Variants in AGBL4 observed in about 807,000 individuals in gnomAD.
AGBL4 encodes the protein AGBL carboxypeptidase 4, also known as cytosolic carboxypeptidase 6.
In AGBL4, 58 loss-of-function variants were observed where a neutral mutation model predicts 66.4. The observed-to-expected ratio is 0.87, with a 90% confidence interval of 0.71 to 1.09. The LOEUF is 1.09. Among genes scored for constraint, AGBL4 ranks in the 50% least tolerant of loss-of-function variants. The pLI, the probability that AGBL4 is intolerant of heterozygous loss-of-function variation, is 0.00. For missense variants in AGBL4, 579 were observed against 631.0 expected, an observed-to-expected ratio of 0.92 and a Z score of 0.88; for synonymous variants, 234 against 222.9, an observed-to-expected ratio of 1.05 and a Z score of -0.44.
chr1:48,863,304 T>C (rs1480643345), intron 6 of AGBL4, among the ~76,000 whole-genome samples: 1 of 151,366 alleles, frequency 6.6e-6, no homozygotes, highest in African/African-American at 2.4e-5. Context: ...GAGAATGCAA[T>C]AAAAAAGGTA....
intron 4 of AGBL4, among the ~76,000 whole-genome samples, chr1:49,245,349 T>C (rs1341695821): frequency 2.0e-5 from 3 of 150,042 alleles, no homozygotes; most frequent in Non-Finnish European, 4.5e-5. Flanking sequence ...TAGTCCCTAA[T>C]GTCCTCCTAA....
At chr1:48,782,335 C>G (rs1645315806) in intron 6 of AGBL4, among the ~76,000 whole-genome samples, 1 of 152,190 alleles carries the variant, frequency 6.6e-6, no homozygotes, top group Non-Finnish European at 1.5e-5. Context: ...TTTGCAGAGC[C>G]TTGGGTTAAT....
At chr1:48,813,302 C>CAT (rs1646100204) in intron 6 of AGBL4, among the ~76,000 whole-genome samples, 1 of 152,040 alleles carries the variant, frequency 6.6e-6, no homozygotes, top group Non-Finnish European at 1.5e-5. Flanking sequence ...GAAACAGTGT[C>CAT]ATATTGTTTT....
At chr1:49,229,067 A>G (rs1281293748) in intron 4 of AGBL4, among the ~76,000 whole-genome samples, 2 of 152,136 alleles carry the variant, frequency 1.3e-5, no homozygotes, top group Admixed American at 6.6e-5. Context: ...TCCCGTTGCC[A>G]GGGATCCATT....
intron 12 of AGBL4, among the ~76,000 whole-genome samples, chr1:48,535,391 G>A (rs1174696721): frequency 5.3e-5 from 8 of 152,014 alleles, no homozygotes; most frequent in African/African-American, 2.4e-5. Flanking sequence ...ACATTTCATC[G>A]CTCCTCACCC....
At chr1:49,022,901 C>T (rs1663354798) in intron 5 of AGBL4, among the ~76,000 whole-genome samples, 1 of 152,120 alleles carries the variant, frequency 6.6e-6, no homozygotes, top group Non-Finnish European at 1.5e-5. Context: ...TGAACAATTC[C>T]AAATTACAAA....
At chr1:48,595,422 C>T (rs1006118160) in intron 9 of AGBL4, among the ~76,000 whole-genome samples, 1 of 152,078 alleles carries the variant, frequency 6.6e-6, no homozygotes, top group Non-Finnish European at 1.5e-5. Flanking sequence ...TAAGTTGTTC[C>T]AACAGTAAAA....
intron 3 of AGBL4, among the ~76,000 whole-genome samples, chr1:49,536,303 C>A (rs1000439181): frequency 2.6e-5 from 4 of 152,106 alleles, no homozygotes; most frequent in African/African-American, 9.7e-5. Flanking sequence ...ACTAGGAATT[C>A]TGTGTTGCTT....
At chr1:48,722,059 G>T (rs1253399764) in intron 6 of AGBL4, among the ~76,000 whole-genome samples, 1 of 138,882 alleles carries the variant, frequency 7.2e-6, no homozygotes, top group Admixed American at 8.3e-5. Flanking sequence ...AAGAGGAACA[G>T]AGAGAGAGAA....
chr1:49,252,836 T>A (rs1237658828), intron 3 of AGBL4, among the ~76,000 whole-genome samples: 1 of 152,076 alleles, frequency 6.6e-6, no homozygotes, highest in East Asian at 1.9e-4. Flanking sequence ...AGAAATAAGA[T>A]CCTTTTCAGA....
intron 2 of AGBL4, among the ~76,000 whole-genome samples, chr1:49,805,547 G>A (rs1167266192): frequency 2.6e-5 from 4 of 152,160 alleles, no homozygotes; most frequent in East Asian, 3.8e-4. Context: ...ATAAAAAATA[G>A]CAATAAACAA....
At chr1:48,877,229 G>C (rs1225432441) in intron 5 of AGBL4, among the ~76,000 whole-genome samples, 1 of 152,130 alleles carries the variant, frequency 6.6e-6, no homozygotes, top group Non-Finnish European at 1.5e-5. Context: ...AAGGTAGTGG[G>C]GTGTAAGTAG....
chr1:48,752,391 T>C (rs962964695), intron 6 of AGBL4, among the ~76,000 whole-genome samples: 1 of 152,196 alleles, frequency 6.6e-6, no homozygotes, highest in Non-Finnish European at 1.5e-5. Context: ...GATGGGAAGA[T>C]GGAATTCTGC....
At chr1:48,945,176 T>C (rs1218123639) in intron 5 of AGBL4, among the ~76,000 whole-genome samples, 1 of 152,166 alleles carries the variant, frequency 6.6e-6, no homozygotes. Context: ...AATAATAAAA[T>C]CAGGCCAAAT....
chr1:49,885,183 G>GTATA (rs2148153336), intron 1 of AGBL4, among the ~76,000 whole-genome samples: 1 of 152,012 alleles, frequency 6.6e-6, no homozygotes, highest in Admixed American at 6.6e-5. Flanking sequence ...TTACCTCTAT[G>GTATA]TATAAGTGAC....
At chr1:49,816,372 A>G (rs1244328930) in intron 2 of AGBL4, among the ~76,000 whole-genome samples, 2 of 152,330 alleles carry the variant, frequency 1.3e-5, no homozygotes, top group South Asian at 4.1e-4. Context: ...TTTAAGCTGG[A>G]AAAGGTTCCA....
chr1:48,658,765 C>T (rs1442180524), intron 7 of AGBL4, among the ~76,000 whole-genome samples: 1 of 152,082 alleles, frequency 6.6e-6, no homozygotes, highest in Non-Finnish European at 1.5e-5. Context: ...AGGTCACTAC[C>T]TCATTGACAG....
intron 4 of AGBL4, among the ~76,000 whole-genome samples, chr1:49,202,339 G>A (rs1164146912): frequency 1.3e-5 from 2 of 152,080 alleles, no homozygotes; most frequent in African/African-American, 4.8e-5. Context: ...AAAAAGAGGA[G>A]CAAAGCTGGA....
rs145138338 is a variant in AGBL4 at position 49,444,850 on chromosome 1, C to A, written c.283-198986G>T. On this transcript the variant is annotated intron_variant, in intron 3 of 13. Coordinates refer to ENST00000371839, the MANE Select transcript of AGBL4 (RefSeq NM_032785.4). ...TGTTTTATATATTCTTTGTTCCTTT[C>A]AATTTCACATTGATTGTTGTTCTGA... Among the ~76,000 whole-genome samples the A allele has an allele frequency of 3.0e-3, 463 of 151,952 alleles. 5 individuals are homozygous for A. The highest frequency in any genetic ancestry group is 0.011 in the African/African-American group (449 of 41,518).
Sources: allele counts gnomAD v4.1 joint callset (sites outside exome capture counted in the v4.1 genomes callset), GRCh38; gene constraint gnomAD v4.1.1; transcripts MANE v1.5; gene names NCBI Gene and HGNC (gene_info 2026-07-23, HGNC 2026-07-21).